Variants in RYR2 observed in about 807,000 individuals in gnomAD.
The protein encoded by RYR2 is ryanodine receptor 2.
Under a neutral mutation model 601.1 loss-of-function variants are expected in RYR2, and 227 were observed. The observed-to-expected ratio is 0.38, with a 90% CI of 0.34 to 0.42. The LOEUF (loss-of-function observed/expected upper bound fraction) is 0.42, where lower values mean the gene tolerates loss of function less well. RYR2 is among the 10% of genes least tolerant of loss of function. The pLI is 1.00. For synonymous variants in RYR2, 2,223 were observed against 2,175.1 expected, an observed-to-expected ratio of 1.02 and a Z score of -0.61; for missense variants, 4,646 against 6,156.5, an observed-to-expected ratio of 0.75 and a Z score of 8.21.
intron 1 of RYR2, among the ~76,000 whole-genome samples, chr1:237,169,489 A>G (rs1362230146): frequency 4.0e-5 from 6 of 151,610 alleles, no homozygotes; most frequent in African/African-American, 1.5e-4. Flanking sequence ...TAGTAGACAC[A>G]GGGTTTCACC....
At chr1:237,238,060 T>C (rs72764083) in intron 1 of RYR2, among the ~76,000 whole-genome samples, 40,738 of 150,488 alleles carry the variant, frequency 0.27, 6,410 homozygotes, top group Admixed American at 0.38. Context: ...CTCCAGATGA[T>C]CCTCCCATCT....
chr1:237,274,040 ATAT>A (rs1246584174), intron 2 of RYR2, among the ~76,000 whole-genome samples: 1 of 131,044 alleles, frequency 7.6e-6, no homozygotes, highest in African/African-American at 3.9e-5. Flanking sequence ...ATTATATATA[ATAT>A]TTATAATATA....
At chr1:237,108,578 C>G (rs1669036445) in intron 1 of RYR2, among the ~76,000 whole-genome samples, 1 of 152,190 alleles carries the variant, frequency 6.6e-6, no homozygotes, top group Non-Finnish European at 1.5e-5. Flanking sequence ...CTGGGATTCT[C>G]TTAAATCTAT....
At chr1:237,138,658 T>TCAA (rs971961061) in intron 1 of RYR2, among the ~76,000 whole-genome samples, 1 of 152,234 alleles carries the variant, frequency 6.6e-6, no homozygotes, top group African/African-American at 2.4e-5. Flanking sequence ...CATTATAAAG[T>TCAA]CAACAAATGA....
At chr1:237,454,287 C>A in intron 14 of RYR2, 104 bp from the exon 15 acceptor site, 2 of 1,170,090 alleles carry the variant, frequency 1.7e-6, no homozygotes, top group Non-Finnish European at 2.4e-6. Flanking sequence ...GTCCCTTTTA[C>A]AGTGATGTAG....
chr1:237,557,542 G>T (rs1240731184), intron 27 of RYR2, among the ~76,000 whole-genome samples: 3 of 151,880 alleles, frequency 2.0e-5, no homozygotes, highest in African/African-American at 7.3e-5. Flanking sequence ...ATCAAATAGA[G>T]GAGGCAGGAG....
intron 1 of RYR2, among the ~76,000 whole-genome samples, chr1:237,102,715 G>C (rs928090971): frequency 6.6e-6 from 1 of 152,010 alleles, no homozygotes; most frequent in South Asian, 2.1e-4. Context: ...AATTAGCTGG[G>C]CATGGTGGTG....
At chr1:237,526,274 T>A (rs1667581546) in intron 24 of RYR2, among the ~76,000 whole-genome samples, 3 of 152,328 alleles carry the variant, frequency 2.0e-5, no homozygotes, top group Admixed American at 6.5e-5. Flanking sequence ...CAGATCATTT[T>A]TTAATGTGTT....
chr1:237,450,556 G>C (rs1256030812), intron 14 of RYR2, among the ~76,000 whole-genome samples: 1 of 152,010 alleles, frequency 6.6e-6, no homozygotes, highest in African/African-American at 2.4e-5. Flanking sequence ...TTTTTGGGTT[G>C]TTTCAGAGGG....
At chr1:237,359,112 T>C (rs1699552190) in intron 4 of RYR2, among the ~76,000 whole-genome samples, 1 of 152,140 alleles carries the variant, frequency 6.6e-6, no homozygotes, top group South Asian at 2.1e-4. Flanking sequence ...AAGCCAAAAA[T>C]GCATGTAATA....
intron 35 of RYR2, among the ~76,000 whole-genome samples, chr1:237,604,896 C>T (rs910275780): frequency 4.6e-5 from 7 of 152,074 alleles, no homozygotes; most frequent in African/African-American, 9.7e-5. Context: ...CCTGAATAGA[C>T]CAATAACAGG....
intron 2 of RYR2, among the ~76,000 whole-genome samples, chr1:237,279,070 A>G (rs1022579518): frequency 2.0e-5 from 3 of 152,206 alleles, no homozygotes; most frequent in South Asian, 2.1e-4. Flanking sequence ...TGTTTTTTTC[A>G]TAGAGCAGAA....
intron 35 of RYR2, among the ~76,000 whole-genome samples, chr1:237,609,609 C>T (rs1232235069): frequency 5.3e-5 from 8 of 152,004 alleles, no homozygotes; most frequent in Admixed American, 5.2e-4. Context: ...AAGTGATCCA[C>T]CTGCCTCGGC....
At chr1:237,681,033 T>A (rs1306858746) in intron 62 of RYR2, among the ~76,000 whole-genome samples, 1 of 152,208 alleles carries the variant, frequency 6.6e-6, no homozygotes, top group Non-Finnish European at 1.5e-5. Context: ...CCTATAAAAT[T>A]TCTGAAGCTT....
chr1:237,261,021 C>T (rs1223354918), intron 1 of RYR2, among the ~76,000 whole-genome samples: 1 of 152,094 alleles, frequency 6.6e-6, no homozygotes, highest in African/African-American at 2.4e-5. Flanking sequence ...TACTTATTTG[C>T]TTTAACAAAA....
intron 1 of RYR2, among the ~76,000 whole-genome samples, chr1:237,222,424 A>C (rs1170976371): frequency 6.6e-6 from 1 of 151,814 alleles, no homozygotes; most frequent in Non-Finnish European, 1.5e-5. Flanking sequence ...AAAAAAAAAA[A>C]AGGAAGCTTG....
intron 31 of RYR2, 95 bp downstream of exon 31, chr1:237,591,087 C>G: frequency 1.3e-6 from 1 of 795,820 alleles, no homozygotes; most frequent in Non-Finnish European, 1.8e-6. Flanking sequence ...TTTTTTCCTC[C>G]TTCTCCTCCT....
At chr1:237,107,928 GA>G (rs1216154874) in intron 1 of RYR2, among the ~76,000 whole-genome samples, 2 of 152,244 alleles carry the variant, frequency 1.3e-5, no homozygotes, top group African/African-American at 4.8e-5. Context: ...AGGCATTGTT[GA>G]AAAGCCTCTA....
chr1:237,116,392 G>T (rs1482827146), intron 1 of RYR2, among the ~76,000 whole-genome samples: 1 of 152,090 alleles, frequency 6.6e-6, no homozygotes, highest in Non-Finnish European at 1.5e-5. Flanking sequence ...TGCCTTCCAG[G>T]ATGTTCTCGT....
Sources: gnomAD v4.1 joint callset for allele counts (sites outside exome capture counted in the v4.1 genomes callset) on GRCh38, gnomAD v4.1.1 for gene constraint, MANE v1.5 for transcripts, NCBI Gene and HGNC (gene_info 2026-07-23, HGNC 2026-07-21) for gene names.